Variants in RNFT2 observed in about 807,000 individuals in gnomAD.
RNFT2 encodes the protein E3 ubiquitin-protein ligase RNFT2.
A neutral mutation model predicts 53.0 loss-of-function variants in RNFT2; 36 were observed. That is an observed-to-expected ratio of 0.68 (90% CI 0.52 to 0.90). The LOEUF is 0.90. Among genes scored for constraint, RNFT2 ranks in the 40% least tolerant of loss-of-function variants. RNFT2 has a pLI of 0.00. For synonymous variants in RNFT2, 260 were observed against 253.2 expected, an observed-to-expected ratio of 1.03 and a Z score of -0.26; for missense variants, 514 against 585.6, an observed-to-expected ratio of 0.88 and a Z score of 1.26.
intron 7 of RNFT2, among the ~76,000 whole-genome samples, chr12:116,829,197 T>A (rs571908930): frequency 3.3e-5 from 5 of 152,116 alleles, no homozygotes; most frequent in Non-Finnish European, 7.4e-5. Context: ...TCTGCAGATC[T>A]TGGGGTCTGC....
chr12:116,845,707 G>A (rs1427901182), intron 10 of RNFT2, among the ~76,000 whole-genome samples: 1 of 152,066 alleles, frequency 6.6e-6, no homozygotes, highest in Non-Finnish European at 1.5e-5. Context: ...AGAAGCTGCA[G>A]GGCTTGCTGA....
intron 7 of RNFT2, among the ~76,000 whole-genome samples, chr12:116,780,462 G>T (rs1873643665): frequency 6.6e-6 from 1 of 152,068 alleles, no homozygotes. Flanking sequence ...ATGGGAGGCG[G>T]AGCTCAGGCG....
chr12:116,849,621 T>A lies in RNFT2; in HGVS notation c.*173T>A. ...CTTGTCCTTCTGACCTTCATCTTCC[T>A]CTCTCGTTCTGTGGTATAGTGCGTG... is the stretch of plus-strand genomic sequence containing the variant. On this transcript the variant is annotated 3_prime_UTR_variant, in exon 11 of 11. Transcript: ENST00000257575. 2.9e-6 allele frequency: 4 copies of A among 1,390,188 alleles called. No homozygotes were observed. The highest frequency in any genetic ancestry group is 3.7e-6 in the Non-Finnish European group (4 of 1,070,352). The allele number at this position is 1,390,188 out of a possible 1,614,324, so 86.1% of individuals were successfully genotyped here.
intron 6 of RNFT2, among the ~76,000 whole-genome samples, chr12:116,769,784 C>T (rs1218744516): frequency 6.6e-6 from 1 of 152,156 alleles, no homozygotes; most frequent in Non-Finnish European, 1.5e-5. Flanking sequence ...GTAATCCCAG[C>T]ACTTTGGGAG....
chr12:116,740,921 G>A lies in RNFT2; in HGVS notation c.25-115G>A, dbSNP rs1213873591. ...AACATACTTTGGAAAATGCCAGAGAGCACTAGGGGTCTAAGATACGACTAG... is the reference window on the plus strand; with the variant it reads ...AACATACTTTGGAAAATGCCAGAGAACACTAGGGGTCTAAGATACGACTAG... On this transcript the variant is annotated intron_variant, in intron 2 of 10. Coordinates refer to ENST00000257575, the MANE Select transcript of RNFT2 (RefSeq NM_001382266.1). 8 of 834,364 alleles carry A rather than the reference G, an allele frequency of 9.6e-6. No individual in the cohort carries two copies. The African/African-American group carries it at 1.2e-4, about 12-fold the overall frequency. 51.7% of individuals were successfully genotyped at this position (834,364 alleles called of 1,614,324 possible).
intron 5 of RNFT2, among the ~76,000 whole-genome samples, chr12:116,763,889 A>T (rs945719879): frequency 4.6e-5 from 7 of 152,168 alleles, no homozygotes; most frequent in Non-Finnish European, 7.3e-5. Flanking sequence ...TATACGAAAA[A>T]AATACTTACA....
At chr12:116,769,652 A>C (rs1180382827) in intron 6 of RNFT2, among the ~76,000 whole-genome samples, 2 of 152,262 alleles carry the variant, frequency 1.3e-5, no homozygotes, top group Non-Finnish European at 2.9e-5. Flanking sequence ...ATTATAAAAT[A>C]GTCAAAAAAT....
intron 7 of RNFT2, among the ~76,000 whole-genome samples, chr12:116,807,713 C>T (rs1477858108): frequency 1.3e-5 from 2 of 152,144 alleles, no homozygotes; most frequent in Non-Finnish European, 2.9e-5. Context: ...GCACCATACA[C>T]CCTTGTCCCC....
chr12:116,819,545 G>T (rs150349660), intron 7 of RNFT2, among the ~76,000 whole-genome samples: 30 of 152,220 alleles, frequency 2.0e-4, no homozygotes, highest in Non-Finnish European at 4.3e-4. Context: ...ATCCGGGCCC[G>T]GGGGAGGAGG....
At chr12:116,815,876 C>T (rs1015039841) in intron 7 of RNFT2, among the ~76,000 whole-genome samples, 1 of 152,114 alleles carries the variant, frequency 6.6e-6, no homozygotes, top group South Asian at 2.1e-4. Context: ...GACAGATCCA[C>T]ACTTGAGGAC....
intron 7 of RNFT2, among the ~76,000 whole-genome samples, chr12:116,818,686 A>AG (rs1341136602): frequency 9.9e-5 from 15 of 152,282 alleles, no homozygotes; most frequent in African/African-American, 3.6e-4. Context: ...TTTCTGGGGA[A>AG]GGTGGTGTCG....
intron 6 of RNFT2, among the ~76,000 whole-genome samples, chr12:116,778,896 C>G (rs1873560370): frequency 6.6e-6 from 1 of 152,122 alleles, no homozygotes; most frequent in Non-Finnish European, 1.5e-5. Context: ...TATAAGTTAC[C>G]CAGCCTAAGG....
intron 10 of RNFT2, among the ~76,000 whole-genome samples, chr12:116,848,771 C>T (rs1320944962): frequency 1.3e-5 from 2 of 151,892 alleles, no homozygotes; most frequent in Admixed American, 1.3e-4. Context: ...CGTCCCAACC[C>T]GCCCAAGCCC....
intron 7 of RNFT2, among the ~76,000 whole-genome samples, chr12:116,807,593 G>A (rs1302173247): frequency 2.0e-5 from 3 of 151,858 alleles, no homozygotes; most frequent in Admixed American, 6.6e-5. Context: ...GCCTCTCCCC[G>A]CACCATTCCC....
At chr12:116,831,329 A>G (rs893047191) in intron 7 of RNFT2, among the ~76,000 whole-genome samples, 2 of 152,160 alleles carry the variant, frequency 1.3e-5, no homozygotes, top group Non-Finnish European at 2.9e-5. Flanking sequence ...GTGTCTTTTC[A>G]GGACATCATG....
chr12:116,743,320 G>A (rs899296322), intron 3 of RNFT2, among the ~76,000 whole-genome samples: 4 of 146,830 alleles, frequency 2.7e-5, no homozygotes, highest in African/African-American at 1.0e-4. Flanking sequence ...AGGCTGGAGT[G>A]CAGTAGTACA....
intron 7 of RNFT2, among the ~76,000 whole-genome samples, chr12:116,795,643 G>A (rs1311094993): frequency 6.6e-6 from 1 of 152,166 alleles, no homozygotes; most frequent in Non-Finnish European, 1.5e-5. Flanking sequence ...CATCCATGCA[G>A]AAAACGCTGT....
At chr12:116,821,873 TGGAGTGCATGGAGTGCA>T (rs1876056472) in intron 7 of RNFT2, among the ~76,000 whole-genome samples, 3 of 117,902 alleles carry the variant, frequency 2.5e-5, no homozygotes, top group African/African-American at 1.1e-4. Flanking sequence ...CTGGAGTGCA[TGGAGTGCATGGAGTGCA>T]GTGGCGCAAC....
chr12:116,840,243 C>T (rs770638966), intron 10 of RNFT2, among the ~76,000 whole-genome samples: 2 of 152,192 alleles, frequency 1.3e-5, no homozygotes, highest in Non-Finnish European at 2.9e-5. Context: ...GTTCTTCATA[C>T]TTGACCTTAT....
Sources: gnomAD v4.1 joint callset for allele counts (sites outside exome capture counted in the v4.1 genomes callset) on GRCh38, gnomAD v4.1.1 for gene constraint, MANE v1.5 for transcripts, NCBI Gene and HGNC (gene_info 2026-07-23, HGNC 2026-07-21) for gene names.